Variants in ATP13A1 observed in about 807,000 individuals in gnomAD.
ATP13A1 encodes endoplasmic reticulum transmembrane helix translocase.
A neutral mutation model predicts 134.8 loss-of-function variants in ATP13A1; 55 were observed. The observed-to-expected ratio is 0.41, with a 90% CI of 0.33 to 0.51. The LOEUF is 0.51. Among genes scored for constraint, ATP13A1 ranks in the 20% least tolerant of loss-of-function variants. The pLI is 0.29. For missense variants in ATP13A1, 1,389 were observed against 1,652.8 expected (o/e 0.84, Z 2.77); for synonymous variants, 775 against 725.1 (o/e 1.07, Z -1.10).
At chr19:19,646,748 CT>C (rs1466701691) in intron 22 of ATP13A1, 2 of 386,202 alleles carry the variant, frequency 5.2e-6, no homozygotes, top group African/African-American at 2.0e-5. Context: ...GCTGGCCCCC[CT>C]GGTTCTTTAC....
Position 19,654,608 on chromosome 19 carries a change from C to T in ATP13A1, c.1748G>A (p.Gly583Asp). 6.2e-7 allele frequency: 1 copy of T among 1,613,402 alleles called. No homozygotes were observed. ...SCHSLMQLDD[G>D]TLVGDPLEKA... The stretch of plus-strand genomic sequence containing the variant: ...CTCTAGAGGGTCACCCACGAGGGTG[C>T]CGTCGTCCAGCTGCATGAGCGAGTG... The change falls in exon 13 of 26, where the codon GGC (glycine) becomes GAC (aspartate). Residue 583 changes from glycine to aspartate, a missense_variant. Gly to Asp is a moderately conservative substitution (Grantham distance 94). This residue lies in a region of ATP13A1 where 747 missense variants were observed against 956.1 expected (regional missense o/e 0.78). Transcript: ENST00000357324.
chr19:19,655,628 G>A lies in ATP13A1; in HGVS notation c.1296C>T (p.Phe432=), dbSNP rs771915005. The change falls in exon 10 of 26, where the codon TTC becomes TTT. Residue 432 remains phenylalanine, a synonymous_variant. Coordinates refer to ENST00000357324, the MANE Select transcript of ATP13A1 (RefSeq NM_020410.3). This position sits in a 1 kb window ranked among gnomAD's most constrained non-coding sequence, Gnocchi z 5.7. ...SQGKLLRTIL[F]GVKRVTANNL... is the part of the protein sequence containing the mutation. ...TGTTCGCAGTCACCCTCTTGACCCC[G>A]AAGAGGATGGTGCGCAGCAGCTTGC... 2.5e-6 allele frequency: 4 copies of A among 1,613,658 alleles called. No homozygotes were observed. The highest frequency in any genetic ancestry group is 2.2e-5 in the South Asian group (2 of 90,984).
chr19:19,649,135 AG>A (rs2062007711), intron 19 of ATP13A1, among the ~76,000 whole-genome samples: 1 of 151,124 alleles, frequency 6.6e-6, no homozygotes, highest in Admixed American at 6.6e-5. Flanking sequence ...AAAAAAAGAC[AG>A]GGTCTTGCAC....
intron 3 of ATP13A1, among the ~76,000 whole-genome samples, chr19:19,659,029 G>T (rs1164177632): frequency 6.6e-6 from 1 of 152,210 alleles, no homozygotes; most frequent in Non-Finnish European, 1.5e-5. Flanking sequence ...TACACTCAAG[G>T]TCTCACACCC....
In ATP13A1 at chr19:19,645,973, G is replaced by A. The variant is rs145819449; in HGVS notation, c.3261C>T (p.Phe1087=). ...QARSPEKQEQ[F]VDLYKEFEPS... ...GCTCAAACTCCTTGTACAAGTCCAC[G>A]AACTGCTCCTGCCTGCAAGGACACA... The change falls in exon 24 of 26, where the codon TTC becomes TTT. Residue 1087 remains phenylalanine, a synonymous_variant. Coordinates refer to ENST00000357324, the MANE Select transcript of ATP13A1 (RefSeq NM_020410.3). The surrounding 1 kb of genome is among the most constrained non-coding windows in gnomAD (Gnocchi z 4.1). The A allele has an allele frequency of 2.4e-5, 39 of 1,612,170 alleles. No homozygotes were observed. In the African/African-American group the frequency reaches 4.1e-4, roughly 17 times the overall value.
At chr19:19,654,813 G>A in intron 12 of ATP13A1, 113 bp from the exon 13 acceptor site, 2 of 1,294,196 alleles carry the variant, frequency 1.5e-6, no homozygotes, top group African/African-American at 1.5e-5. Context: ...CACTGGGGTG[G>A]CTTGGGCGCC....
intron 17 of ATP13A1, chr19:19,650,734 C>T (rs573067618): frequency 1.3e-5 from 2 of 152,676 alleles, no homozygotes; most frequent in South Asian, 2.1e-4. Flanking sequence ...GAGAGGTGGC[C>T]TGGAGGTTCC....
In ATP13A1 at chr19:19,663,551, C is replaced by A. The variant is rs1415974972; in HGVS notation, c.116G>T (p.Gly39Val). 6.6e-7 allele frequency: 1 copy of A among 1,515,704 alleles called. No homozygotes were observed. Among genetic ancestry groups the A allele is most frequent in the Non-Finnish European group, 8.8e-7 (1 of 1,140,082 alleles). The allele number at this position is 1,515,704 out of a possible 1,614,324, so 93.9% of individuals were successfully genotyped here. A position where few individuals can be genotyped will look rare whatever the true frequency, so the allele number is the denominator to read the frequency against. Residue 39 changes from glycine to valine, a missense_variant, in exon 1 of 26, where the codon GGG becomes GTG. By Grantham distance (109) the Gly-to-Val change is moderately radical. Around this residue, in one of 4 missense-constraint regions of ATP13A1, gnomAD observed 293 missense variants for 270.8 expected, o/e 1.08. Coordinates refer to ENST00000357324, the MANE Select transcript of ATP13A1 (RefSeq NM_020410.3). ...GPQPRALLAA[G>V]PALIANGDEL... Reference sequence around the variant, plus strand: ...GTCACCGTTCGCTATGAGCGCCGGCCCGGCGGCAAGGAGCGCGCGCGGCTG... The same window carrying A: ...GTCACCGTTCGCTATGAGCGCCGGCACGGCGGCAAGGAGCGCGCGCGGCTG...
chr19:19,663,390 A>G lies in ATP13A1; in HGVS notation c.277T>C (p.Trp93Arg). 6.3e-7 allele frequency: 1 copy of G among 1,586,462 alleles called. No homozygotes were observed. The highest frequency in any genetic ancestry group is 8.6e-7 in the Non-Finnish European group (1 of 1,168,222). The change falls in exon 1 of 26, where the codon TGG becomes CGG. Residue 93 changes from tryptophan (W) to arginine (R), a missense_variant. Trp to Arg is a moderately radical substitution (Grantham distance 101). Coordinates refer to ENST00000357324, the MANE Select transcript of ATP13A1 (RefSeq NM_020410.3). ...AGCGCAGCTTCGGGGATCTGCACCC[A>G]ACTGCTGCCCCAGCCCCAGCAGCCA... ...AAGCWGWGSSWVQIPEAALLV... is the reference protein window; with the variant it reads ...AAGCWGWGSSRVQIPEAALLV...
At position 19,655,708 on chromosome 19, in the gene ATP13A1, A is replaced by T; in HGVS notation, c.1270-54T>A. The T allele has an allele frequency of 6.3e-7, 1 of 1,582,908 alleles. No homozygotes were observed. On this transcript the variant is annotated intron_variant, in intron 9 of 25. Transcript: ENST00000357324. The surrounding 1 kb of genome is among the most constrained non-coding windows in gnomAD (Gnocchi z 5.7). The stretch of plus-strand genomic sequence containing the variant: ...CTGTCTGGACTCCCTCCAGCAGCTC[A>T]GGCCTGGAAGCGTGGGCCTGGTCTT...
chr19:19,658,119 A>C lies in ATP13A1; in HGVS notation c.678-711T>G, dbSNP rs183045002. On this transcript the variant is annotated intron_variant, in intron 3 of 25. Transcript: ENST00000357324. ...AGCCATGATCACACCACTGCACTCC[A>C]GCCTGGGTAACAGAGTAAGACCCTG... Among the ~76,000 whole-genome samples, 19 of 143,250 alleles carry C rather than the reference A, an allele frequency of 1.3e-4. No homozygotes were observed. The Admixed American group carries it at 1.4e-3, about 11-fold the overall frequency. The allele number at this position is 143,250 out of a possible 152,430, so 94.0% of individuals were successfully genotyped here.
chr19:19,649,602 G>T lies in ATP13A1; in HGVS notation c.2597C>A (p.Thr866Asn). The change falls in exon 19 of 26, where the codon ACC (threonine) becomes AAC (asparagine). Residue 866 changes from threonine to asparagine, a missense_variant. Thr to Asn is a moderately conservative substitution (Grantham distance 65). This residue lies in a region of ATP13A1 where 747 missense variants were observed against 956.1 expected (regional missense o/e 0.78). Transcript: ENST00000357324. ...GYVTLMCGDGTNDVGALKHAD... is the reference protein window; with the variant it reads ...GYVTLMCGDGNNDVGALKHAD... The stretch of plus-strand genomic sequence containing the variant: ...ATGCTTCAGGGCGCCCACGTCGTTG[G>T]TGCCATCCCCACACATGAGGGTCAC... 6.2e-7 allele frequency: 1 copy of T among 1,613,888 alleles called. No homozygotes were observed. Among genetic ancestry groups the T allele is most frequent in the Non-Finnish European group, 8.5e-7 (1 of 1,179,852 alleles).
In ATP13A1 at chr19:19,659,585, C is replaced by G; in HGVS notation, c.677+16G>C. On this transcript the variant is annotated intron_variant, in intron 3 of 25. Transcript: ENST00000357324. ...GACAGAAAGGCAAAGGTGCTACAGG[C>G]AAATCAAGGACTCACTTGTTGCTCC... is the stretch of plus-strand genomic sequence containing the variant. 6.2e-7 allele frequency: 1 copy of G among 1,601,480 alleles called. No individual in the cohort carries two copies. Among genetic ancestry groups the G allele is most frequent in the Non-Finnish European group, 8.5e-7 (1 of 1,170,054 alleles).
At chr19:19,663,142 T>A in intron 1 of ATP13A1, 129 bp downstream of exon 1, 1 of 1,325,022 alleles carries the variant, frequency 7.5e-7, no homozygotes, top group Non-Finnish European at 1.1e-6. Context: ...GTGTAGAGGG[T>A]GCCCCTGGGA....
rs567165496 is a variant in ATP13A1 at position 19,663,230 on chromosome 19, C to T, written c.396+41G>A. On this transcript the variant is annotated intron_variant, in intron 1 of 25. Transcript: ENST00000357324. The stretch of plus-strand genomic sequence containing the variant: ...GCCGCAGCTGGGACCCACGGCGAGG[C>T]TCGACCGTGCTGGGGGTCGGGCTCG... The T allele has an allele frequency of 1.9e-6, 3 of 1,557,052 alleles. No individual in the cohort carries two copies. The African/African-American group carries it at 4.1e-5, about 21-fold the overall frequency.
intron 17 of ATP13A1, chr19:19,651,322 G>A: frequency 5.9e-6 from 1 of 168,654 alleles, no homozygotes; most frequent in South Asian, 1.9e-4. Context: ...CGGGAAGGGA[G>A]CACTCGGTAC....
chr19:19,655,571 G>A lies in ATP13A1; in HGVS notation c.1353C>T (p.Leu451=), dbSNP rs868052378. The A allele has an allele frequency of 6.2e-7, 1 of 1,613,994 alleles. No homozygotes were observed. Among genetic ancestry groups the A allele is most frequent in the Non-Finnish European group, 8.5e-7 (1 of 1,179,880 alleles). ...NLETFIFILF[L]LVFAIAAAAY... ...CAGCTGCAGCGATGGCAAACACCAGGAGGAAGAGGATGAAGATGAAGGTCT... is the reference window on the plus strand; with the variant it reads ...CAGCTGCAGCGATGGCAAACACCAGAAGGAAGAGGATGAAGATGAAGGTCT... Residue 451 remains leucine (L), a synonymous_variant, in exon 10 of 26, where the codon CTC becomes CTT. Transcript: ENST00000357324. This position sits in a 1 kb window ranked among gnomAD's most constrained non-coding sequence, Gnocchi z 5.7.
chr19:19,649,590 C>T lies in ATP13A1; in HGVS notation c.2609G>A (p.Gly870Asp). ...LMCGDGTNDV[G>D]ALKHADVGVA... ...ACCCACGTCAGCATGCTTCAGGGCG[C>T]CCACGTCGTTGGTGCCATCCCCACA... Residue 870 changes from glycine (G) to aspartate (D), a missense_variant, in exon 19 of 26, where the codon GGC becomes GAC. Physicochemically the swap from Gly to Asp is moderately conservative, Grantham distance 94. This residue lies in a region of ATP13A1 where 747 missense variants were observed against 956.1 expected (regional missense o/e 0.78). Coordinates refer to ENST00000357324, the MANE Select transcript of ATP13A1 (RefSeq NM_020410.3). 6.2e-7 allele frequency: 1 copy of T among 1,613,780 alleles called. No individual in the cohort carries two copies. Among genetic ancestry groups the T allele is most frequent in the South Asian group, 1.1e-5 (1 of 91,056 alleles).
chr19:19,656,197 T>C lies in ATP13A1; in HGVS notation c.1084-14A>G, dbSNP rs753718137. 6 of 1,590,022 alleles carry C rather than the reference T, an allele frequency of 3.8e-6. No individual in the cohort carries two copies. The South Asian group carries it at 6.8e-5, about 18-fold the overall frequency. On this transcript the variant is annotated splice_polypyrimidine_tract_variant and intron_variant, in intron 7 of 25. Coordinates refer to ENST00000357324, the MANE Select transcript of ATP13A1 (RefSeq NM_020410.3). The surrounding 1 kb of genome is among the most constrained non-coding windows in gnomAD (Gnocchi z 4.6). ...TTCGATGGGCTCCTGGGGAGGAAGATCGTGAATCTGGATGGCCAGGCCTAC... is the reference window on the plus strand; with the variant it reads ...TTCGATGGGCTCCTGGGGAGGAAGACCGTGAATCTGGATGGCCAGGCCTAC...
Sources: allele counts gnomAD v4.1 joint callset (sites outside exome capture counted in the v4.1 genomes callset), GRCh38; gene constraint gnomAD v4.1.1; regional missense constraint gnomAD v4.1.1; non-coding constraint Gnocchi (gnomAD v3.1); transcripts MANE v1.5; gene names NCBI Gene and HGNC (gene_info 2026-07-23, HGNC 2026-07-21).